Variants in STARD13 observed in about 807,000 individuals in gnomAD.
STARD13 encodes the protein StAR related lipid transfer domain containing 13.
STARD13 carries 62 observed loss-of-function variants against 106.4 expected under a neutral mutation model. The observed-to-expected ratio is 0.58, with a 90% CI of 0.48 to 0.72. STARD13 has a LOEUF of 0.72. Among genes scored for constraint, STARD13 ranks in the 30% least tolerant of loss-of-function variants. The probability of loss-of-function intolerance (pLI) is 0.00; values close to 1 mark genes in which losing one functional copy is unlikely to be tolerated. For synonymous variants in STARD13, 565 were observed against 553.0 expected (o/e 1.02, Z -0.31); for missense variants, 1,387 against 1,424.0 (o/e 0.97, Z 0.42).
At chr13:33,653,513 T>C in the STARD13 span, among the ~76,000 whole-genome samples, 1 of 152,162 alleles carries the variant, frequency 6.6e-6, no homozygotes, top group Non-Finnish European at 1.5e-5. Flanking sequence ...GTTTATATTA[T>C]ATACAAACAT....
At chr13:33,671,725 G>A in the STARD13 span, among the ~76,000 whole-genome samples, 6 of 152,032 alleles carry the variant, frequency 3.9e-5, no homozygotes, top group South Asian at 1.2e-3. Flanking sequence ...GCAAGACCCT[G>A]TCTCTAAATA....
At chr13:33,113,186 AGAAAGGGGCAC>A in intron 8 of STARD13, 1 of 508,190 alleles carries the variant, frequency 2.0e-6, no homozygotes, top group Non-Finnish European at 3.5e-6. Context: ...AGCAGGGTTT[AGAAAGGGGCAC>A]CACCATCCTG....
At chr13:33,369,493 G>T in the STARD13 span, among the ~76,000 whole-genome samples, 2 of 152,074 alleles carry the variant, frequency 1.3e-5, no homozygotes, top group Non-Finnish European at 2.9e-5. Context: ...AGTTAAGAAC[G>T]TTTTCTAATG....
downstream of STARD13, among the ~76,000 whole-genome samples, chr13:33,346,716 G>A (rs1263161741): frequency 2.0e-5 from 3 of 151,862 alleles, no homozygotes; most frequent in African/African-American, 7.3e-5. Flanking sequence ...TGCAACCTCC[G>A]CCTCCCAGGT....
At chr13:33,331,077 C>G (rs1177206949) in intron 1 of STARD13, among the ~76,000 whole-genome samples, 1 of 152,138 alleles carries the variant, frequency 6.6e-6, no homozygotes, top group Admixed American at 6.5e-5. Flanking sequence ...GCAGACTATC[C>G]AATAGAGCAC....
chr13:33,147,916 C>T (rs1880764735), intron 3 of STARD13, among the ~76,000 whole-genome samples: 1 of 152,102 alleles, frequency 6.6e-6, no homozygotes, highest in Non-Finnish European at 1.5e-5. Context: ...AACAGACTCG[C>T]ACAAAGAGAG....
At chr13:33,483,797 T>C in the STARD13 span, among the ~76,000 whole-genome samples, 2 of 152,154 alleles carry the variant, frequency 1.3e-5, no homozygotes, top group African/African-American at 4.8e-5. Flanking sequence ...CCCTCTTCCC[T>C]GGCAATACTC....
At chr13:33,551,568 C>CTTTTTTTTTTTTTTTT in the STARD13 span, among the ~76,000 whole-genome samples, 160 of 44,794 alleles carry the variant, frequency 3.6e-3, 79 homozygotes, top group Middle Eastern at 0.041. Context: ...TTTGCTTTTC[C>CTTTTTTTTTTTTTTTT]CTTTTTTTTT....
chr13:33,333,520 G>A (rs1397798828), intron 1 of STARD13, among the ~76,000 whole-genome samples: 1 of 152,228 alleles, frequency 6.6e-6, no homozygotes, highest in African/African-American at 2.4e-5. Flanking sequence ...CTTAGAAGGA[G>A]GCTGGAGGGT....
intron 1 of STARD13, among the ~76,000 whole-genome samples, chr13:33,272,327 A>T (rs890744836): frequency 1.2e-4 from 18 of 152,338 alleles, no homozygotes; most frequent in African/African-American, 4.3e-4. Context: ...GTGTCACGTC[A>T]GTGCTCAAGA....
the STARD13 span, among the ~76,000 whole-genome samples, chr13:33,599,788 T>A: frequency 6.6e-6 from 1 of 152,194 alleles, no homozygotes; most frequent in Non-Finnish European, 1.5e-5. Context: ...TGAATTGATA[T>A]AACTAAAACA....
At chr13:33,286,574 T>C (rs1369116259), upstream of STARD13, among the ~76,000 whole-genome samples, 1 of 152,222 alleles carries the variant, frequency 6.6e-6, no homozygotes, top group East Asian at 1.9e-4. Flanking sequence ...TGAGAAGTTA[T>C]ACAAAAGCTT....
At chr13:33,476,426 A>C in the STARD13 span, among the ~76,000 whole-genome samples, 1 of 152,226 alleles carries the variant, frequency 6.6e-6, no homozygotes, top group Non-Finnish European at 1.5e-5. Flanking sequence ...ACACTCTTTT[A>C]AATAGCTAAA....
intron 1 of STARD13, among the ~76,000 whole-genome samples, chr13:33,274,483 G>A (rs1385493916): frequency 2.0e-5 from 3 of 152,182 alleles, no homozygotes; most frequent in African/African-American, 7.2e-5. Context: ...AAGTCACCCA[G>A]TCTCTGGCAC....
intron 1 of STARD13, among the ~76,000 whole-genome samples, chr13:33,302,475 G>T (rs751195670): frequency 6.6e-6 from 1 of 152,022 alleles, no homozygotes; most frequent in Admixed American, 6.6e-5. Flanking sequence ...GAGTGCAGTG[G>T]CGTGATCATG....
the STARD13 span, among the ~76,000 whole-genome samples, chr13:33,626,575 G>T: frequency 6.6e-6 from 1 of 152,186 alleles, no homozygotes; most frequent in Non-Finnish European, 1.5e-5. Context: ...CATCTCCAGA[G>T]AAAGCTATTA....
rs1055031598 is a variant in STARD13 at position 33,342,058 on chromosome 13, GTGC to G, written c.124+8229_124+8231del. 3.9e-5 allele frequency among the ~76,000 whole-genome samples: 6 copies of G among 152,176 alleles called. No homozygotes were observed. The South Asian group carries it at 1.0e-3, about 26-fold the overall frequency. ...TGCCCGCCACGGACAGCTTCCCTAA[GTGC>G]TGGGATTACAGGCATAAGCCACTCT... is the stretch of plus-strand genomic sequence containing the variant. On this transcript the variant is annotated intron_variant, in intron 1 of 5. Coordinates refer to the STARD13 transcript ENST00000567873.
At chr13:33,531,947 A>T in the STARD13 span, among the ~76,000 whole-genome samples, 1 of 152,162 alleles carries the variant, frequency 6.6e-6, no homozygotes, top group Non-Finnish European at 1.5e-5. Flanking sequence ...CCACCAACAG[A>T]AGTACTGAAA....
chr13:33,205,723 CT>C (rs1191372769), intron 1 of STARD13: 1 of 414,474 alleles, frequency 2.4e-6, no homozygotes, highest in Non-Finnish European at 3.2e-6. Context: ...ACAAAGAAAA[CT>C]TTTTATATCA....
Sources: allele counts gnomAD v4.1 joint callset (sites outside exome capture counted in the v4.1 genomes callset), GRCh38; gene constraint gnomAD v4.1.1; transcripts MANE v1.5; gene names NCBI Gene and HGNC (gene_info 2026-07-23, HGNC 2026-07-21).